SLC6A16: variants seen among roughly 807,000 people sequenced by gnomAD.
The protein encoded by SLC6A16 is orphan sodium- and chloride-dependent neurotransmitter transporter NTT5.
SLC6A16 carries 54 observed loss-of-function variants against 65.4 expected under a neutral mutation model. The ratio of observed to expected loss-of-function variants is 0.83; its 90% CI spans 0.66 to 1.04. The LOEUF (loss-of-function observed/expected upper bound fraction) is 1.04. Among genes scored for constraint, SLC6A16 ranks in the 50% least tolerant of loss-of-function variants. SLC6A16 has a pLI of 0.00. For missense variants in SLC6A16, 816 were observed against 914.0 expected (o/e 0.89, Z 1.38); for synonymous variants, 330 against 346.5 (o/e 0.95, Z 0.53).
rs987551123 is a variant in SLC6A16, at chr19:49,310,994, GC to G, written c.353del (p.Gly118AlafsTer4). The part of the protein sequence containing the change: ...SKTEYILAQV[G>X]FSMKPSCLWR... ...AGAGACAAGATGGCTTCATAGAGAA[GC>G]CCACCTGAGCCAGAATATACTCAGT... On this transcript the variant is annotated frameshift_variant, in exon 2 of 12. Coordinates refer to ENST00000335875, the MANE Select transcript of SLC6A16 (RefSeq NM_014037.3). LOFTEE classifies it high-confidence loss of function. The G allele has an allele frequency of 6.2e-7, 1 of 1,614,200 alleles. No individual in the cohort carries two copies.
Position 49,307,051 on chromosome 19 carries a change from C to CTTTTTTTTTTTTTTTTTTTT in SLC6A16, c.1229+1824_1229+1825insAAAAAAAAAAAAAAAAAAAA, listed in dbSNP as rs1197711801. ...GTTACACAGTGCATTGTTTTATACACTTTTTTTTTTTTTTTGTTAGAGGAA... is the reference window on the plus strand; with the variant it reads ...GTTACACAGTGCATTGTTTTATACACTTTTTTTTTTTTTTTTTTTTTTTTTTTTTTTTTTTGTTAGAGGAA... On this transcript the variant is annotated intron_variant, in intron 7 of 11. Coordinates refer to ENST00000335875, the MANE Select transcript of SLC6A16 (RefSeq NM_014037.3). 1.6e-4 allele frequency among the ~76,000 whole-genome samples: 10 copies of CTTTTTTTTTTTTTTTTTTTT among 61,002 alleles called. 1 individual carries two copies. The highest frequency in any genetic ancestry group is 7.3e-4 in the South Asian group (1 of 1,372). 40.0% of individuals were successfully genotyped at this position (61,002 alleles called of 152,430 possible). A position where few individuals can be genotyped will look rare whatever the true frequency, so the allele number is the denominator to read the frequency against.
At position 49,289,738 on chromosome 19, in the gene SLC6A16, A is replaced by G; in HGVS notation, c.*385T>C. ...ACTGAACATCTGAGACATCTATAGG[A>G]AAAAAAGATCTGCTTACATCCAGTC... is the stretch of plus-strand genomic sequence containing the variant. On this transcript the variant is annotated 3_prime_UTR_variant, in exon 12 of 12. Transcript: ENST00000335875. The G allele has an allele frequency of 5.1e-6, 1 of 196,116 alleles. No homozygotes were observed. Among genetic ancestry groups the G allele is most frequent in the South Asian group, 1.2e-4 (1 of 8,620 alleles). 12.1% of individuals were successfully genotyped at this position (196,116 alleles called of 1,614,324 possible).
At chr19:49,303,355 A>T (rs1447058537) in intron 7 of SLC6A16, among the ~76,000 whole-genome samples, 1 of 152,222 alleles carries the variant, frequency 6.6e-6, no homozygotes, top group East Asian at 1.9e-4. Context: ...AGAATACTTT[A>T]AAAAGTATGT....
chr19:49,290,754 G>C lies in SLC6A16; in HGVS notation c.1792C>G (p.Leu598Val). 6.2e-7 allele frequency: 1 copy of C among 1,609,740 alleles called. No individual in the cohort carries two copies. Among genetic ancestry groups the C allele is most frequent in the Non-Finnish European group, 8.5e-7 (1 of 1,178,010 alleles). ...ATGGGGTGGCCCAACAGGATCGTCA[G>C]GTCTGCAAGGAACCTGGAGAAGGGC... is the stretch of plus-strand genomic sequence containing the variant. ...AYGARRFLAD[L>V]TILLGHPISP... Residue 598 changes from leucine (L) to valine (V), a missense_variant, in exon 11 of 12, where the codon CTG becomes GTG. Transcript: ENST00000335875.
Position 49,309,033 on chromosome 19 carries a change from C to G in SLC6A16, c.1072G>C (p.Ala358Pro), listed in dbSNP as rs199795374. The G allele has an allele frequency of 6.2e-7, 1 of 1,614,198 alleles. No individual in the cohort carries two copies. The highest frequency in any genetic ancestry group is 1.3e-5 in the African/African-American group (1 of 75,044). Residue 358 changes from alanine (A) to proline (P), a missense_variant, in exon 7 of 12, where the codon GCC (alanine) becomes CCC (proline). Physicochemically the swap from Ala to Pro is conservative, Grantham distance 27. Coordinates refer to ENST00000335875, the MANE Select transcript of SLC6A16 (RefSeq NM_014037.3). ...TGGGGCATGTAGGAGGCTAAGGAGG[C>G]AACGGAGCCAAGGCCTATGCCTGTG... ...SNTGIGLGSV[A>P]SLASYMPQSN... is the part of the protein sequence containing the mutation.
intron 1 of SLC6A16, among the ~76,000 whole-genome samples, chr19:49,316,039 T>C (rs193184453): frequency 6.6e-6 from 1 of 152,148 alleles, no homozygotes; most frequent in Admixed American, 6.5e-5. Flanking sequence ...TCCAGAATAC[T>C]ACAGATAAAT....
In SLC6A16 at chr19:49,309,839, G is replaced by A. The variant is rs1185134941; in HGVS notation, c.701-13C>T. On this transcript the variant is annotated splice_polypyrimidine_tract_variant and intron_variant, in intron 4 of 11. Transcript: ENST00000335875. ...TCACATTCAGGATCTGGGGGGACCT[G>A]GCTTTAGACATGCCTGCTAGACAAG... The A allele has an allele frequency of 1.9e-6, 3 of 1,604,438 alleles. No individual in the cohort carries two copies. The highest frequency in any genetic ancestry group is 2.6e-6 in the Non-Finnish European group (3 of 1,172,148).
intron 1 of SLC6A16, chr19:49,312,507 T>G: frequency 4.1e-6 from 4 of 965,508 alleles, no homozygotes; most frequent in Non-Finnish European, 4.9e-6. Context: ...AAGGATGGTG[T>G]TCTACCTCAC....
upstream of SLC6A16, among the ~76,000 whole-genome samples, chr19:49,330,029 G>C (rs2146195376): frequency 6.6e-6 from 1 of 151,610 alleles, no homozygotes; most frequent in African/African-American, 2.4e-5. Flanking sequence ...TGAGTGGGAA[G>C]ATCACTTGAG....
intron 1 of SLC6A16, among the ~76,000 whole-genome samples, chr19:49,315,560 A>C (rs1201113380): frequency 6.6e-6 from 1 of 152,232 alleles, no homozygotes; most frequent in Non-Finnish European, 1.5e-5. Context: ...TGGGAGGCTG[A>C]GGCAGGAGAT....
chr19:49,325,813 A>G (rs957245417), upstream of SLC6A16, among the ~76,000 whole-genome samples: 42 of 152,234 alleles, frequency 2.8e-4, no homozygotes, highest in African/African-American at 1.0e-3. Context: ...TTGTTTAAAA[A>G]TTCATTATGT....
At chr19:49,325,937 G>A (rs995331244), upstream of SLC6A16, among the ~76,000 whole-genome samples, 8 of 152,026 alleles carry the variant, frequency 5.3e-5, no homozygotes, top group African/African-American at 1.9e-4. Context: ...GCCAAGGCGG[G>A]TGGATCACGA....
At chr19:49,331,215 C>T in the SLC6A16 span, among the ~76,000 whole-genome samples, 1 of 152,108 alleles carries the variant, frequency 6.6e-6, no homozygotes. Flanking sequence ...GGGTCTTGCT[C>T]TGTCATCCAG....
At position 49,294,021 on chromosome 19, in the gene SLC6A16, T is replaced by C. The variant is rs1156461996; in HGVS notation, c.1424A>G (p.Glu475Gly). The change falls in exon 9 of 12, where the codon GAG becomes GGG. Residue 475 changes from glutamate to glycine, a missense_variant. Coordinates refer to ENST00000335875, the MANE Select transcript of SLC6A16 (RefSeq NM_014037.3). The stretch of plus-strand genomic sequence containing the variant: ...GGACAGGAATGCAAACTTTGGGCCC[T>C]CGCTAGCCTGCAAAGAGAACAAAGA... ...NIETQFLKASEGPKFAFLSFV... is the reference protein window; with the variant it reads ...NIETQFLKASGGPKFAFLSFV... 16 of 1,610,952 alleles carry C rather than the reference T, an allele frequency of 9.9e-6. No homozygotes were observed. Among genetic ancestry groups the C allele is most frequent in the Non-Finnish European group, 1.4e-5 (16 of 1,179,884 alleles).
At chr19:49,302,213 C>T (rs1970304442) in intron 7 of SLC6A16, among the ~76,000 whole-genome samples, 1 of 152,218 alleles carries the variant, frequency 6.6e-6, no homozygotes, top group South Asian at 2.1e-4. Context: ...TACAGCCAGC[C>T]TCTGCAGCAG....
the SLC6A16 span, chr19:49,337,814 G>A: frequency 6.4e-7 from 1 of 1,569,584 alleles, no homozygotes; most frequent in South Asian, 1.2e-5. Flanking sequence ...ATTCAGTAAG[G>A]ATTTGAGACT....
chr19:49,337,006 C>T, the SLC6A16 span: 1 of 1,613,514 alleles, frequency 6.2e-7, no homozygotes, highest in South Asian at 1.1e-5. Context: ...TGGGGGCCCT[C>T]AAGGAGCTCC....
At chr19:49,327,251 TTTTAGTAGAGTCAGGG>T (rs1320390096), upstream of SLC6A16, among the ~76,000 whole-genome samples, 1 of 151,892 alleles carries the variant, frequency 6.6e-6, no homozygotes, top group African/African-American at 2.4e-5. Flanking sequence ...ATTTTCATAT[TTTTAGTAGAGTCAGGG>T]TTTAGTAGAG....
the SLC6A16 span, chr19:49,335,904 T>C: frequency 8.7e-6 from 7 of 801,536 alleles, no homozygotes; most frequent in African/African-American, 1.0e-4. This position sits in a 1 kb window ranked among gnomAD's most constrained non-coding sequence, Gnocchi z 4.6. Flanking sequence ...CAGGCTCCCA[T>C]CCACTGCTCA....
Sources: gnomAD v4.1 joint callset for allele counts (sites outside exome capture counted in the v4.1 genomes callset) on GRCh38, gnomAD v4.1.1 for gene constraint, Gnocchi (gnomAD v3.1) non-coding constraint, MANE v1.5 for transcripts, NCBI Gene and HGNC (gene_info 2026-07-23, HGNC 2026-07-21) for gene names.